The following VPS8 variants were observed in gnomAD, a reference collection of about 807,000 sequenced individuals.
VPS8 encodes vacuolar protein sorting-associated protein 8 homolog.
Under a neutral mutation model 216.4 loss-of-function variants are expected in VPS8, and 129 were observed. The ratio of observed to expected loss-of-function variants is 0.60; its 90% CI spans 0.52 to 0.69. The LOEUF is 0.69. Ranked by LOEUF, VPS8 falls within the 30% of genes least tolerant of loss-of-function variation. The pLI is 0.00. For synonymous variants in VPS8, 571 were observed against 565.4 expected (o/e 1.01, Z -0.14); for missense variants, 1,531 against 1,683.5 (o/e 0.91, Z 1.59).
intron 20 of VPS8, among the ~76,000 whole-genome samples, chr3:184,870,089 C>T (rs1301464955): frequency 3.9e-5 from 6 of 152,106 alleles, no homozygotes; most frequent in African/African-American, 1.4e-4. Context: ...AGAAAATTGA[C>T]ATTTGTTAGT....
At chr3:185,027,129 C>A (rs189165756) in intron 46 of VPS8, among the ~76,000 whole-genome samples, 1 of 151,846 alleles carries the variant, frequency 6.6e-6, no homozygotes, top group African/African-American at 2.4e-5. Flanking sequence ...TGATAGTTAC[C>A]GAACACCTTG....
chr3:185,022,352 A>T (rs1056814323), intron 45 of VPS8, among the ~76,000 whole-genome samples: 7 of 152,208 alleles, frequency 4.6e-5, no homozygotes, highest in African/African-American at 1.7e-4. Context: ...CTGTAAATTA[A>T]TAAATAGATA....
chr3:184,986,196 A>G (rs533973762), intron 42 of VPS8, among the ~76,000 whole-genome samples: 1 of 152,210 alleles, frequency 6.6e-6, no homozygotes, highest in South Asian at 2.1e-4. Flanking sequence ...AAAGAGTCTA[A>G]GGAAATCAAG....
At chr3:184,988,357 A>T (rs112941697) in intron 42 of VPS8, among the ~76,000 whole-genome samples, 27 of 152,220 alleles carry the variant, frequency 1.8e-4, no homozygotes, top group Admixed American at 1.0e-3. Flanking sequence ...ATATATGGTC[A>T]GTGTTGATTC....
intron 18 of VPS8, among the ~76,000 whole-genome samples, 175 bp from the exon 19 acceptor site, chr3:184,868,771 A>G (rs1033817616): frequency 1.3e-5 from 2 of 152,226 alleles, no homozygotes; most frequent in Non-Finnish European, 2.9e-5. Context: ...TATAGTCATT[A>G]TACTATCTAG....
intron 46 of VPS8, among the ~76,000 whole-genome samples, chr3:185,026,812 G>A (rs537345620): frequency 2.0e-5 from 3 of 149,718 alleles, no homozygotes; most frequent in South Asian, 2.1e-4. Context: ...GGGTTCAAGC[G>A]ATTCTCTTGC....
intron 45 of VPS8, among the ~76,000 whole-genome samples, chr3:185,003,526 A>C (rs1369242957): frequency 2.0e-5 from 3 of 150,046 alleles, no homozygotes; most frequent in African/African-American, 7.4e-5. Flanking sequence ...AGTACAGAAC[A>C]AAATGAAAAG....
At chr3:184,843,646 A>G (rs939663039) in intron 8 of VPS8, among the ~76,000 whole-genome samples, 2 of 152,176 alleles carry the variant, frequency 1.3e-5, no homozygotes, top group South Asian at 2.1e-4. Context: ...CTGTGAGTCA[A>G]TCAATGCATG....
chr3:185,014,460 G>A (rs192903890), intron 45 of VPS8, among the ~76,000 whole-genome samples: 1 of 152,124 alleles, frequency 6.6e-6, no homozygotes, highest in Admixed American at 6.5e-5. Flanking sequence ...TGTTGATTCG[G>A]TCCTGGAGAA....
At chr3:184,863,434 A>T (rs1726745712) in intron 16 of VPS8, among the ~76,000 whole-genome samples, 1 of 152,202 alleles carries the variant, frequency 6.6e-6, no homozygotes, top group Non-Finnish European at 1.5e-5. Context: ...TTAAGGGATA[A>T]ATAACTACAG....
At chr3:184,996,544 T>C in intron 44 of VPS8, 43 bp downstream of exon 44, 1 of 1,532,614 alleles carries the variant, frequency 6.5e-7, no homozygotes, top group Non-Finnish European at 8.8e-7. Context: ...TACATGTACA[T>C]CTGTGGCATT....
At chr3:184,962,800 A>G (rs1484305854) in intron 37 of VPS8, among the ~76,000 whole-genome samples, 1 of 150,458 alleles carries the variant, frequency 6.6e-6, no homozygotes, top group Non-Finnish European at 1.5e-5. Flanking sequence ...GGAATAAAGG[A>G]CATTCTCTTT....
chr3:185,012,707 A>G (rs1327047775), intron 45 of VPS8, among the ~76,000 whole-genome samples: 1 of 152,140 alleles, frequency 6.6e-6, no homozygotes, highest in East Asian at 1.9e-4. Flanking sequence ...GGCATTTAAA[A>G]TGCTAAAAAG....
chr3:185,027,872 A>G (rs1757608712), intron 46 of VPS8, among the ~76,000 whole-genome samples: 1 of 152,310 alleles, frequency 6.6e-6, no homozygotes, highest in Non-Finnish European at 1.5e-5. Flanking sequence ...TTGTGATCAG[A>G]TGCAGACTTA....
At chr3:185,015,955 T>G (rs111864871) in intron 45 of VPS8, among the ~76,000 whole-genome samples, 6,093 of 152,282 alleles carry the variant, frequency 0.04, 211 homozygotes, top group East Asian at 0.1. Context: ...TTGGAAAAAT[T>G]AGCAAATCTA....
At chr3:184,899,575 TTGTC>T (rs1201431860) in intron 24 of VPS8, among the ~76,000 whole-genome samples, 1 of 152,112 alleles carries the variant, frequency 6.6e-6, no homozygotes, top group Non-Finnish European at 1.5e-5. Context: ...TTGGCCCTGA[TTGTC>T]TGTTATCTCA....
intron 34 of VPS8, among the ~76,000 whole-genome samples, chr3:184,931,238 T>C (rs10446349): frequency 0.54 from 82,735 of 151,966 alleles, 23,538 homozygotes; most frequent in Middle Eastern, 0.69. Flanking sequence ...CTAGCAGTTT[T>C]GTTGAAATCT....
intron 40 of VPS8, among the ~76,000 whole-genome samples, chr3:184,976,649 A>G (rs752507798): frequency 2.6e-5 from 4 of 151,976 alleles, no homozygotes; most frequent in Non-Finnish European, 5.9e-5. Flanking sequence ...CCCAGTGTCT[A>G]TTGTTCTCAT....
At chr3:185,006,566 T>C (rs1256524416) in intron 45 of VPS8, among the ~76,000 whole-genome samples, 1 of 152,250 alleles carries the variant, frequency 6.6e-6, no homozygotes, top group Non-Finnish European at 1.5e-5. Context: ...TTTCCAGTTA[T>C]AATAAAATTT....
Sources: gnomAD v4.1 joint callset for allele counts (sites outside exome capture counted in the v4.1 genomes callset) on GRCh38, gnomAD v4.1.1 for gene constraint, MANE v1.5 for transcripts, NCBI Gene and HGNC (gene_info 2026-07-23, HGNC 2026-07-21) for gene names.